Variants in TJP1 observed in about 807,000 individuals in gnomAD.
TJP1 encodes tight junction protein ZO-1.
A neutral mutation model predicts 194.2 loss-of-function variants in TJP1; 43 were observed. The ratio of observed to expected loss-of-function variants is 0.22; its 90% CI spans 0.17 to 0.29. The LOEUF is 0.29. Ranked by LOEUF, TJP1 falls within the 10% of genes least tolerant of loss-of-function variation. The probability of loss-of-function intolerance (pLI) is 1.00; values close to 1 mark genes in which losing one functional copy is unlikely to be tolerated. For missense variants in TJP1, 1,971 were observed against 2,185.7 expected (o/e 0.90, Z 1.96); for synonymous variants, 801 against 779.0 (o/e 1.03, Z -0.47).
intron 2 of TJP1, among the ~76,000 whole-genome samples, chr15:29,847,185 C>T (rs1490546995): frequency 6.6e-6 from 1 of 152,028 alleles, no homozygotes; most frequent in East Asian, 2.0e-4. Context: ...TCACTGCAGC[C>T]TCAAACTCCT....
chr15:29,845,833 G>T (rs2152073741), intron 2 of TJP1, among the ~76,000 whole-genome samples: 1 of 152,174 alleles, frequency 6.6e-6, no homozygotes, highest in Non-Finnish European at 1.5e-5. Context: ...TTAAAAAGTT[G>T]TACTAATAAT....
chr15:29,967,351 T>A (rs1247634527), intron 1 of TJP1, among the ~76,000 whole-genome samples: 4 of 151,752 alleles, frequency 2.6e-5, no homozygotes, highest in Non-Finnish European at 5.9e-5. Flanking sequence ...AAGTATCTTT[T>A]GCAGAATAAA....
At chr15:29,826,247 A>G (rs2050672489), upstream of TJP1, among the ~76,000 whole-genome samples, 1 of 152,132 alleles carries the variant, frequency 6.6e-6, no homozygotes, top group African/African-American at 2.4e-5. Context: ...CTATGGGGCT[A>G]CCCTTACCTC....
rs1037095884 is a variant in TJP1, at chr15:29,923,106, T to C, written c.306+33126A>G. On this transcript the variant is annotated intron_variant, in intron 2 of 28. Transcript: ENST00000356107. ...CCTTCCAGCTTTTGGGAAGGCAGAG[T>C]GGCACTCTGTGTCAAAATGTAAACT... Among the ~76,000 whole-genome samples the C allele has an allele frequency of 2.6e-5, 4 of 152,210 alleles. No individual in the cohort carries two copies. The East Asian group carries it at 5.8e-4, about 22-fold the overall frequency.
At chr15:29,742,457 C>T (rs1035345682) in intron 9 of TJP1, among the ~76,000 whole-genome samples, 185 bp downstream of exon 9, 19 of 152,110 alleles carry the variant, frequency 1.2e-4, no homozygotes, top group African/African-American at 4.3e-4. Flanking sequence ...TAAAGGAAAA[C>T]ATTCATGAAA....
intron 1 of TJP1, chr15:29,968,319 G>A (rs2056400585): frequency 1.0e-6 from 1 of 984,614 alleles, no homozygotes; most frequent in Non-Finnish European, 1.2e-6. Flanking sequence ...GAAATTCTGA[G>A]CCAGAACCCG....
intron 4 of TJP1, among the ~76,000 whole-genome samples, chr15:29,771,522 T>G (rs1026921443): frequency 1.3e-5 from 2 of 152,088 alleles, no homozygotes; most frequent in African/African-American, 4.8e-5. Context: ...AGGTAACTAT[T>G]TGGCCGGGCG....
At chr15:29,724,134 G>A (rs972899523) in intron 18 of TJP1, among the ~76,000 whole-genome samples, 3 of 152,200 alleles carry the variant, frequency 2.0e-5, no homozygotes, top group Middle Eastern at 3.2e-3. Flanking sequence ...CCTGAATGGA[G>A]CTTTCCACGC....
In TJP1 at chr15:29,841,624, C is replaced by A. The variant is rs548719260; in HGVS notation, c.307-40922G>T. ...GCTATAAAATCCTGATGCTGTTTCTCAACTTGCCAGTCAGAATAGCAGGAT... is the reference window on the plus strand; with the variant it reads ...GCTATAAAATCCTGATGCTGTTTCTAAACTTGCCAGTCAGAATAGCAGGAT... On this transcript the variant is annotated intron_variant, in intron 2 of 28. Transcript: ENST00000356107. Among the ~76,000 whole-genome samples the A allele has an allele frequency of 3.3e-5, 5 of 152,136 alleles. No individual in the cohort carries two copies. The South Asian group carries it at 1.0e-3, about 32-fold the overall frequency.
At chr15:29,962,356 C>T (rs1482245644) in intron 1 of TJP1, among the ~76,000 whole-genome samples, 1 of 150,210 alleles carries the variant, frequency 6.7e-6, no homozygotes, top group Non-Finnish European at 1.5e-5. Context: ...CTCCCAAGCT[C>T]ATCTACACCA....
chr15:29,909,173 A>AG (rs2053935110), intron 2 of TJP1, among the ~76,000 whole-genome samples: 1 of 107,578 alleles, frequency 9.3e-6, no homozygotes, highest in Non-Finnish European at 2.0e-5. Flanking sequence ...AAAAAAAAAG[A>AG]AAAGAAAAAG....
chr15:29,700,300 A>G lies in TJP1; in HGVS notation c.*1295T>C. ...GCTGATGTGCCATAATAAATTGTCT[A>G]TTAGTAAAAAAATACACTTTAGGGC... On this transcript the variant is annotated 3_prime_UTR_variant, in exon 28 of 28. Coordinates refer to ENST00000614355, the MANE Select transcript of TJP1 (RefSeq NM_001330239.4). 2.5e-6 allele frequency: 1 copy of G among 399,010 alleles called. No individual in the cohort carries two copies. Among genetic ancestry groups the G allele is most frequent in the Non-Finnish European group, 4.4e-6 (1 of 226,052 alleles). The allele number at this position is 399,010 out of a possible 1,614,324, so 24.7% of individuals were successfully genotyped here.
intron 1 of TJP1, among the ~76,000 whole-genome samples, chr15:29,811,101 A>G (rs1471710563): frequency 1.3e-5 from 2 of 152,200 alleles, no homozygotes; most frequent in African/African-American, 4.8e-5. Context: ...GCTAGGAACC[A>G]AAAAGAGGAA....
intron 15 of TJP1, 178 bp downstream of exon 15, chr15:29,732,255 G>C: frequency 1.7e-6 from 1 of 598,144 alleles, no homozygotes; most frequent in Admixed American, 3.1e-5. Context: ...CTCATTAAAA[G>C]AATTGGTGGA....
intron 2 of TJP1, among the ~76,000 whole-genome samples, chr15:29,774,694 T>TC: frequency 6.6e-6 from 1 of 151,952 alleles, no homozygotes; most frequent in South Asian, 2.1e-4. Flanking sequence ...GTCACACAAC[T>TC]CGGAACACGC....
chr15:29,837,087 A>T (rs995047510), intron 2 of TJP1, among the ~76,000 whole-genome samples: 2 of 152,270 alleles, frequency 1.3e-5, no homozygotes, highest in African/African-American at 2.4e-5. Context: ...GCTTTAACAC[A>T]GAAAAGATGT....
At chr15:29,921,761 A>G (rs1399954264) in intron 2 of TJP1, among the ~76,000 whole-genome samples, 1 of 152,198 alleles carries the variant, frequency 6.6e-6, no homozygotes, top group Non-Finnish European at 1.5e-5. Context: ...GAATGGTATA[A>G]TGAACCCACA....
intron 1 of TJP1, 50 bp downstream of exon 1, chr15:29,821,946 TGGGCGG>T (rs2152018213): frequency 8.3e-7 from 1 of 1,209,464 alleles, no homozygotes; most frequent in South Asian, 4.0e-5. Flanking sequence ...CAGATGCCGG[TGGGCGG>T]GCGGCGACGG....
intron 2 of TJP1, among the ~76,000 whole-genome samples, chr15:29,912,855 T>C (rs1307363347): frequency 2.6e-5 from 4 of 152,162 alleles, no homozygotes; most frequent in Non-Finnish European, 5.9e-5. Context: ...TGCTACCGTA[T>C]GTAAATTTAA....
Sources: gnomAD v4.1 joint callset for allele counts (sites outside exome capture counted in the v4.1 genomes callset) on GRCh38, gnomAD v4.1.1 for gene constraint, MANE v1.5 for transcripts, NCBI Gene and HGNC (gene_info 2026-07-23, HGNC 2026-07-21) for gene names.